SLC9A9: variants seen among roughly 807,000 people sequenced by gnomAD.
SLC9A9 encodes the protein sodium/hydrogen exchanger 9.
In SLC9A9, 62 loss-of-function variants were observed where a neutral mutation model predicts 77.8. That is an observed-to-expected ratio of 0.80 (90% CI 0.65 to 0.98). SLC9A9 has a LOEUF of 0.98. Among genes scored for constraint, SLC9A9 ranks in the 50% least tolerant of loss-of-function variants. The probability of loss-of-function intolerance (pLI) is 0.00; values close to 1 mark genes in which losing one functional copy is unlikely to be tolerated. For synonymous variants in SLC9A9, 320 were observed against 283.5 expected (o/e 1.13, Z -1.29); for missense variants, 775 against 774.9 (o/e 1.00, Z 0.00).
chr3:143,537,142 C>A (rs1024507511), intron 9 of SLC9A9, among the ~76,000 whole-genome samples: 1 of 152,234 alleles, frequency 6.6e-6, no homozygotes, highest in Non-Finnish European at 1.5e-5. Flanking sequence ...TGGTGTCCAG[C>A]ATCTGGTGTC....
intron 11 of SLC9A9, among the ~76,000 whole-genome samples, chr3:143,480,660 T>C (rs1056554262): frequency 1.3e-5 from 2 of 152,192 alleles, no homozygotes; most frequent in African/African-American, 2.4e-5. Flanking sequence ...CTGGGAGAGA[T>C]GAGGGCTTGG....
chr3:143,668,331 T>TGGGGTGG (rs1384481589), intron 5 of SLC9A9, among the ~76,000 whole-genome samples: 6 of 91,050 alleles, frequency 6.6e-5, no homozygotes, highest in Non-Finnish European at 1.2e-4. Flanking sequence ...GGGCCTGTCG[T>TGGGGTGG]GGGGTGGGGG....
rs1301404393 is a variant in SLC9A9, at chr3:143,265,347, TTC to T, written c.*1353_*1354del. 1 of 152,330 alleles carries T rather than the reference TTC, an allele frequency of 6.6e-6. No homozygotes were observed. Among genetic ancestry groups the T allele is most frequent in the Non-Finnish European group, 1.5e-5 (1 of 68,096 alleles). 9.4% of individuals were successfully genotyped at this position (152,330 alleles called of 1,614,324 possible). ...GAGTGTAAAACTTGTGCCCCAGAGATTCTGTTTGGAAAGCAAAAAAATAATTG... is the reference window on the plus strand; with the variant it reads ...GAGTGTAAAACTTGTGCCCCAGAGATTGTTTGGAAAGCAAAAAAATAATTG... On this transcript the variant is annotated 3_prime_UTR_variant, in exon 16 of 16. Coordinates refer to ENST00000316549, the MANE Select transcript of SLC9A9 (RefSeq NM_173653.4).
At chr3:143,667,228 G>A (rs931258814) in intron 5 of SLC9A9, among the ~76,000 whole-genome samples, 1 of 152,104 alleles carries the variant, frequency 6.6e-6, no homozygotes, top group Non-Finnish European at 1.5e-5. Context: ...AAAGAAATGG[G>A]GAAAGGATTC....
At chr3:143,383,369 G>T (rs527804888) in intron 12 of SLC9A9, among the ~76,000 whole-genome samples, 1 of 152,146 alleles carries the variant, frequency 6.6e-6, no homozygotes, top group Non-Finnish European at 1.5e-5. Flanking sequence ...CAAATGTATC[G>T]CATTCAATCT....
intron 14 of SLC9A9, among the ~76,000 whole-genome samples, chr3:143,362,553 T>C (rs1355065496): frequency 6.6e-6 from 1 of 152,036 alleles, no homozygotes; most frequent in Non-Finnish European, 1.5e-5. Flanking sequence ...TTTCTTCACC[T>C]ATTCTTTGAA....
At chr3:143,398,006 A>C (rs2033767913) in intron 12 of SLC9A9, among the ~76,000 whole-genome samples, 1 of 152,190 alleles carries the variant, frequency 6.6e-6, no homozygotes, top group Non-Finnish European at 1.5e-5. Flanking sequence ...GAATCCTTAG[A>C]AGGCAACAAC....
intron 5 of SLC9A9, among the ~76,000 whole-genome samples, chr3:143,677,914 C>T (rs1191343376): frequency 1.3e-5 from 2 of 151,402 alleles, no homozygotes; most frequent in Non-Finnish European, 2.9e-5. Flanking sequence ...GCAAGCTCTG[C>T]CCCCCTGGTT....
chr3:143,573,906 G>T (rs2037311929), intron 8 of SLC9A9, among the ~76,000 whole-genome samples, 182 bp downstream of exon 8: 1 of 152,170 alleles, frequency 6.6e-6, no homozygotes, highest in African/African-American at 2.4e-5. Context: ...GTACAAAATG[G>T]ATGAATTACT....
At chr3:143,409,826 T>C (rs1326541804) in intron 12 of SLC9A9, among the ~76,000 whole-genome samples, 3 of 152,214 alleles carry the variant, frequency 2.0e-5, no homozygotes, top group African/African-American at 4.8e-5. Flanking sequence ...GCAATTCTTT[T>C]GATTCCCAAG....
chr3:143,373,579 T>C (rs1007674595), intron 13 of SLC9A9, among the ~76,000 whole-genome samples: 2 of 131,912 alleles, frequency 1.5e-5, no homozygotes, highest in Non-Finnish European at 3.1e-5. Flanking sequence ...CCAAAAACCA[T>C]TGTATCCCCA....
intron 14 of SLC9A9, among the ~76,000 whole-genome samples, chr3:143,332,613 G>C (rs551725857): frequency 4.1e-4 from 63 of 152,336 alleles, no homozygotes; most frequent in African/African-American, 1.5e-3. Context: ...TTCCACCCTT[G>C]ATGAATTAAT....
intron 5 of SLC9A9, among the ~76,000 whole-genome samples, chr3:143,661,141 T>A (rs1002422448): frequency 2.0e-5 from 3 of 152,150 alleles, no homozygotes; most frequent in African/African-American, 7.2e-5. Context: ...GGATGGAAGG[T>A]TAACAAACCA....
Position 143,268,911 on chromosome 3 carries a change from C to G in SLC9A9, c.1674G>C (p.Pro558=). 1 of 1,613,612 alleles carries G rather than the reference C, an allele frequency of 6.2e-7. No homozygotes were observed. The highest frequency in any genetic ancestry group is 8.5e-7 in the Non-Finnish European group (1 of 1,179,782). Residue 558 remains proline, a synonymous_variant, in exon 15 of 16, where the codon CCG becomes CCC. Transcript: ENST00000316549. ...GAGGACTGGTAAGCAGCCTGGAAAT[C>G]GGACCACACCATTCAGGTAATGTTG... ...LTTTLPEWCG[P]ISRLLTSPQA... is the part of the protein sequence containing the mutation.
intron 11 of SLC9A9, among the ~76,000 whole-genome samples, chr3:143,470,011 T>C (rs1559930118): frequency 6.6e-6 from 1 of 152,198 alleles, no homozygotes; most frequent in Non-Finnish European, 1.5e-5. Context: ...CCCTTAATAC[T>C]GGTGACTATT....
chr3:143,660,172 T>C (rs146987420), intron 5 of SLC9A9, among the ~76,000 whole-genome samples: 21 of 152,322 alleles, frequency 1.4e-4, no homozygotes, highest in Non-Finnish European at 2.6e-4. Flanking sequence ...AGGCAGATCA[T>C]GTTACATTAT....
intron 12 of SLC9A9, among the ~76,000 whole-genome samples, chr3:143,446,003 CTA>C (rs1399402976): frequency 1.3e-5 from 2 of 151,946 alleles, no homozygotes. Flanking sequence ...TTGGTAGACA[CTA>C]TGAATTATAG....
At chr3:143,644,593 G>A (rs1420319779) in intron 6 of SLC9A9, among the ~76,000 whole-genome samples, 6 of 152,172 alleles carry the variant, frequency 3.9e-5, no homozygotes, top group Non-Finnish European at 8.8e-5. Flanking sequence ...AGCACACCGA[G>A]CACACAACTT....
chr3:143,360,217 A>G (rs914979147), intron 14 of SLC9A9, among the ~76,000 whole-genome samples: 1 of 152,216 alleles, frequency 6.6e-6, no homozygotes, highest in African/African-American at 2.4e-5. Flanking sequence ...CACATCAAAG[A>G]GGGTGGTTGT....
Sources: allele counts gnomAD v4.1 joint callset (sites outside exome capture counted in the v4.1 genomes callset), GRCh38; gene constraint gnomAD v4.1.1; transcripts MANE v1.5; gene names NCBI Gene and HGNC (gene_info 2026-07-23, HGNC 2026-07-21).